Variants in CAPN10 observed in about 807,000 individuals in gnomAD.
CAPN10 encodes the protein calpain 10.
CAPN10 carries 71 observed loss-of-function variants against 78.4 expected under a neutral mutation model. The observed-to-expected ratio is 0.91, with a 90% CI of 0.75 to 1.10. The LOEUF (loss-of-function observed/expected upper bound fraction) is 1.10, where lower values mean the gene tolerates loss of function less well. Ranked by LOEUF, CAPN10 falls within the 50% of genes least tolerant of loss-of-function variation. CAPN10 has a pLI of 0.00. For synonymous variants in CAPN10, 437 were observed against 407.2 expected (o/e 1.07, Z -0.88); for missense variants, 849 against 924.6 (o/e 0.92, Z 1.06).
chr2:240,596,400 G>A lies in CAPN10; in HGVS notation c.1360G>A (p.Glu454Lys), dbSNP rs1244107095. Residue 454 changes from glutamate to lysine, a missense_variant, in exon 8 of 12, where the codon GAG becomes AAG. Physicochemically the swap from Glu to Lys is moderately conservative, Grantham distance 56 (BLOSUM62 1). Transcript: ENST00000391984. Reference sequence around the variant, plus strand: ...CACCGCGTGCCATGCATACGACCGGGAGGTCCACCTGCGTTGTGAGCTCTC... The same window carrying A: ...CACCGCGTGCCATGCATACGACCGGAAGGTCCACCTGCGTTGTGAGCTCTC... ...AGTACHAYDR[E>K]VHLRCELSPG... is the part of the protein sequence containing the mutation. 1.2e-6 allele frequency: 2 copies of A among 1,613,558 alleles called. No individual in the cohort carries two copies. Among genetic ancestry groups the A allele is most frequent in the Non-Finnish European group, 1.7e-6 (2 of 1,179,938 alleles).
Position 240,596,541 on chromosome 2 carries a change from G to A in CAPN10, c.1481+20G>A. The A allele has an allele frequency of 3.8e-6, 6 of 1,579,998 alleles. No individual in the cohort carries two copies. Among genetic ancestry groups the A allele is most frequent in the Non-Finnish European group, 5.2e-6 (6 of 1,158,522 alleles). ...CCTTAGGTGAGAGGAACCGCGCAGTGCTGCTGGCTCTCCGAGGCCACAGGC... is the reference window on the plus strand; with the variant it reads ...CCTTAGGTGAGAGGAACCGCGCAGTACTGCTGGCTCTCCGAGGCCACAGGC... On this transcript the variant is annotated intron_variant, in intron 8 of 11. Transcript: ENST00000391984.
chr2:240,595,949 ACCACAC>A, intron 7 of CAPN10: 1 of 1,349,574 alleles, frequency 7.4e-7, no homozygotes, highest in Non-Finnish European at 9.8e-7. Context: ...GACACTTGGC[ACCACAC>A]TGTTCCCTGT....
chr2:240,586,892 G>A lies in CAPN10; in HGVS notation c.-20G>A, dbSNP rs1314880132. ...GACCCCGAGGCAACCGGCTGCAGAT[G>A]GGAGCCCGCGGAGCCGAGGATGCGG... On this transcript the variant is annotated 5_prime_UTR_variant, in exon 1 of 12. It removes an upstream start codon present in the reference 5' UTR. Coordinates refer to ENST00000391984, the MANE Select transcript of CAPN10 (RefSeq NM_023083.4). 2 of 1,379,232 alleles carry A rather than the reference G, an allele frequency of 1.5e-6. No individual in the cohort carries two copies. The highest frequency in any genetic ancestry group is 1.9e-6 in the Non-Finnish European group (2 of 1,068,910). The allele number at this position is 1,379,232 out of a possible 1,614,324, so 85.4% of individuals were successfully genotyped here.
chr2:240,595,914 C>T, intron 7 of CAPN10: 2 of 1,327,550 alleles, frequency 1.5e-6, no homozygotes, highest in Non-Finnish European at 1.0e-6. Context: ...GCTGGGTTTT[C>T]ATCTTGTGTG....
At position 240,593,969 on chromosome 2, in the gene CAPN10, A is replaced by G. The variant is rs548715768; in HGVS notation, c.752A>G (p.Gln251Arg). The G allele has an allele frequency of 3.3e-5, 53 of 1,611,404 alleles. No homozygotes were observed. The Admixed American group carries it at 8.8e-4, about 27-fold the overall frequency. ...TCGGACCTGCGGGAGCTCCAGGGTC[A>G]GGCGGGCCAGTGCATCCTGCTGCTG... ...IVSDLRELQG[Q>R]AGQCILLLRI... Residue 251 changes from glutamine to arginine, a missense_variant, in exon 5 of 12, where the codon CAG (glutamine) becomes CGG (arginine). Transcript: ENST00000391984.
chr2:240,586,801 C>T lies in CAPN10; in HGVS notation c.-111C>T, dbSNP rs568258862. On this transcript the variant is annotated 5_prime_UTR_variant, in exon 1 of 12. Coordinates refer to ENST00000391984, the MANE Select transcript of CAPN10 (RefSeq NM_023083.4). ...GGCCCTCGGGCTTGGAGGGCTGGGCCGGGCGGGGAACGGGCGGGGCGGGCC... is the reference window on the plus strand; with the variant it reads ...GGCCCTCGGGCTTGGAGGGCTGGGCTGGGCGGGGAACGGGCGGGGCGGGCC... 3.6e-5 allele frequency: 40 copies of T among 1,119,240 alleles called. 1 individual carries two copies. The Middle Eastern group carries it at 9.9e-4, about 28-fold the overall frequency. The allele number at this position is 1,119,240 out of a possible 1,614,324, so 69.3% of individuals were successfully genotyped here.
chr2:240,587,401 C>G (rs923090677), intron 1 of CAPN10, among the ~76,000 whole-genome samples: 2 of 152,214 alleles, frequency 1.3e-5, no homozygotes, highest in Non-Finnish European at 2.9e-5. Flanking sequence ...CTGCTCCTCC[C>G]GCAGAGAGGG....
rs1465317480 is a variant in CAPN10 at position 240,595,198 on chromosome 2, A to G, written c.1172A>G (p.Asp391Gly). 1 of 1,613,564 alleles carries G rather than the reference A, an allele frequency of 6.2e-7. No homozygotes were observed. Among genetic ancestry groups the G allele is most frequent in the Non-Finnish European group, 8.5e-7 (1 of 1,180,018 alleles). Reference protein sequence around the residue: ...VLQRSRLHAADWAGRARALVG... With the variant: ...VLQRSRLHAAGWAGRARALVG... The stretch of plus-strand genomic sequence containing the variant: ...CAGAGATCCAGGCTGCACGCGGCGG[A>G]CTGGGCAGGCCGGGCCCGGGCACTG... Residue 391 changes from aspartate to glycine, a missense_variant, in exon 7 of 12, where the codon GAC becomes GGC. Coordinates refer to ENST00000391984, the MANE Select transcript of CAPN10 (RefSeq NM_023083.4).
chr2:240,590,999 A>C lies in CAPN10; in HGVS notation c.458A>C (p.Lys153Thr). The C allele has an allele frequency of 6.2e-7, 1 of 1,613,962 alleles. No individual in the cohort carries two copies. The change falls in exon 3 of 12, where the codon AAG (lysine) becomes ACG (threonine). Residue 153 changes from lysine to threonine, a missense_variant. Physicochemically the swap from Lys to Thr is moderately conservative, Grantham distance 78. Transcript: ENST00000391984. ...GTGTTCTGGCTCCCCTTACTGGAAA[A>C]GGTCTACGCCAAGTGCGTGTGCTGG... is the stretch of plus-strand genomic sequence containing the variant. ...EDVFWLPLLEKVYAKVHGSYE... is the reference protein window; with the variant it reads ...EDVFWLPLLETVYAKVHGSYE...
chr2:240,593,304 G>A (rs895246978), intron 4 of CAPN10, among the ~76,000 whole-genome samples: 4 of 152,252 alleles, frequency 2.6e-5, no homozygotes, highest in East Asian at 1.9e-4. Context: ...AAGGGGCCGC[G>A]GCGTGGGCGA....
chr2:240,596,358 A>G lies in CAPN10; in HGVS notation c.1318A>G (p.Met440Val), dbSNP rs1194748925. ...RRVNLPRVLS[M>V]PPVAGTACHA... The stretch of plus-strand genomic sequence containing the variant: ...GGTCAATCTGCCTAGGGTCCTGTCC[A>G]TGCCCCCCGTGGCTGGCACCGCGTG... Residue 440 changes from methionine to valine, a missense_variant, in exon 8 of 12, where the codon ATG (methionine) becomes GTG (valine). By Grantham distance (21) the Met-to-Val change is conservative. Transcript: ENST00000391984. 8.7e-6 allele frequency: 14 copies of G among 1,612,310 alleles called. No individual in the cohort carries two copies. The highest frequency in any genetic ancestry group is 1.7e-5 in the Admixed American group (1 of 59,962).
At chr2:240,591,662 C>T (rs1018535698) in intron 3 of CAPN10, 1 of 523,898 alleles carries the variant, frequency 1.9e-6, no homozygotes, top group African/African-American at 1.9e-5. Context: ...GCTTCCACGC[C>T]TCCTGCCCTG....
chr2:240,588,914 G>A (rs2093084216), intron 1 of CAPN10, among the ~76,000 whole-genome samples: 1 of 152,128 alleles, frequency 6.6e-6, no homozygotes, highest in Non-Finnish European at 1.5e-5. Flanking sequence ...GTGGGCAAGG[G>A]CAGTGTGGAT....
At chr2:240,587,693 A>G (rs1357147815) in intron 1 of CAPN10, among the ~76,000 whole-genome samples, 2 of 152,238 alleles carry the variant, frequency 1.3e-5, no homozygotes, top group African/African-American at 4.8e-5. Context: ...GGCTCTCGTG[A>G]CTGAGATGGC....
At position 240,586,964 on chromosome 2, in the gene CAPN10, C is replaced by T. The variant is rs1349291223; in HGVS notation, c.53C>T (p.Ala18Val). Residue 18 changes from alanine (A) to valine (V), a missense_variant, in exon 1 of 12, where the codon GCC becomes GTC. Transcript: ENST00000391984. ...TPARELFRDA[A>V]FPAADSSLFC... The stretch of plus-strand genomic sequence containing the variant: ...GCGAGGGAGCTGTTCCGGGACGCCG[C>T]CTTCCCCGCCGCGGACTCCTCGCTC... 2 of 1,481,270 alleles carry T rather than the reference C, an allele frequency of 1.4e-6. No individual in the cohort carries two copies. The highest frequency in any genetic ancestry group is 1.5e-5 in the African/African-American group (1 of 68,546). The allele number at this position is 1,481,270 out of a possible 1,614,324, so 91.8% of individuals were successfully genotyped here.
chr2:240,592,421 G>A (rs2093108487), intron 4 of CAPN10: 1 of 690,956 alleles, frequency 1.4e-6, no homozygotes, highest in Admixed American at 2.0e-5. Flanking sequence ...CCCACTGTCT[G>A]TGCCATCCCT....
intron 5 of CAPN10, 175 bp downstream of exon 5, chr2:240,594,222 G>A: frequency 1.4e-6 from 1 of 715,268 alleles, no homozygotes; most frequent in Non-Finnish European, 2.2e-6. Flanking sequence ...TCCTTGTGAG[G>A]CCTGGGACCA....
Position 240,599,074 on chromosome 2 carries a change from T to C in CAPN10, c.*394T>C, listed in dbSNP as rs1299505922. The C allele has an allele frequency of 4.0e-6, 1 of 250,046 alleles. No homozygotes were observed. The highest frequency in any genetic ancestry group is 7.7e-5 in the East Asian group (1 of 12,914). The allele number at this position is 250,046 out of a possible 1,614,324, so 15.5% of individuals were successfully genotyped here. The stretch of plus-strand genomic sequence containing the variant: ...TCGAATCACTTTTAGGATGTAACTT[T>C]ATAAATAAACATGAGCGCTGATGAT... On this transcript the variant is annotated 3_prime_UTR_variant, in exon 12 of 12. Transcript: ENST00000391984.
At position 240,599,072 on chromosome 2, in the gene CAPN10, T is replaced by G. The variant is rs1420783318; in HGVS notation, c.*392T>G. On this transcript the variant is annotated 3_prime_UTR_variant, in exon 12 of 12. Transcript: ENST00000391984. Reference sequence around the variant, plus strand: ...GTTCGAATCACTTTTAGGATGTAACTTTATAAATAAACATGAGCGCTGATG... The same window carrying G: ...GTTCGAATCACTTTTAGGATGTAACGTTATAAATAAACATGAGCGCTGATG... 2 of 255,988 alleles carry G rather than the reference T, an allele frequency of 7.8e-6. No homozygotes were observed. The highest frequency in any genetic ancestry group is 1.5e-5 in the Non-Finnish European group (2 of 132,514). 15.9% of individuals were successfully genotyped at this position (255,988 alleles called of 1,614,324 possible). A position where few individuals can be genotyped will look rare whatever the true frequency, so the allele number is the denominator to read the frequency against.
Sources: allele counts gnomAD v4.1 joint callset (sites outside exome capture counted in the v4.1 genomes callset), GRCh38; gene constraint gnomAD v4.1.1; transcripts MANE v1.5; gene names NCBI Gene and HGNC (gene_info 2026-07-23, HGNC 2026-07-21).